CEP112: variants seen among roughly 807,000 people sequenced by gnomAD.
CEP112 encodes centrosomal protein of 112 kDa.
Under a neutral mutation model 153.0 loss-of-function variants are expected in CEP112, and 127 were observed. The observed-to-expected ratio is 0.83, with a 90% confidence interval of 0.72 to 0.96. CEP112 has a LOEUF of 0.96. Ranked by LOEUF, CEP112 falls within the 40% of genes least tolerant of loss-of-function variation. CEP112 has a pLI of 0.00. For synonymous variants in CEP112, 358 were observed against 374.4 expected (o/e 0.96, Z 0.51); for missense variants, 1,089 against 1,101.2 (o/e 0.99, Z 0.16).
intron 4 of CEP112, 117 bp from the exon 5 acceptor site, chr17:66,132,880 T>C: frequency 1.3e-6 from 1 of 744,690 alleles, no homozygotes; most frequent in Non-Finnish European, 2.3e-6. Context: ...GTATTAACAA[T>C]GATGTTCCAT....
At chr17:65,889,785 T>C (rs2059400309) in intron 20 of CEP112, among the ~76,000 whole-genome samples, 1 of 152,018 alleles carries the variant, frequency 6.6e-6, no homozygotes, top group African/African-American at 2.4e-5. Context: ...TAACTCAAGG[T>C]CTGCTCTCTC....
chr17:65,661,630 G>A (rs1001410311), intron 24 of CEP112: 1 of 152,168 alleles, frequency 6.6e-6, no homozygotes, highest in African/African-American at 2.4e-5. Flanking sequence ...TGTTGAACCG[G>A]AGATCAACGT....
intron 22 of CEP112, among the ~76,000 whole-genome samples, chr17:65,748,273 T>C (rs2051597275): frequency 1.3e-5 from 2 of 152,220 alleles, no homozygotes; most frequent in Admixed American, 6.5e-5. Context: ...TTACATCCTT[T>C]CTAAGAATTT....
intron 4 of CEP112, among the ~76,000 whole-genome samples, chr17:66,158,509 G>GCTACT (rs2071546095): frequency 6.6e-6 from 1 of 152,106 alleles, no homozygotes. Flanking sequence ...CTACACAGGA[G>GCTACT]GCTGAGACAG....
intron 16 of CEP112, among the ~76,000 whole-genome samples, chr17:66,020,800 T>TA (rs1168117207): frequency 6.6e-6 from 1 of 152,214 alleles, no homozygotes; most frequent in Admixed American, 6.5e-5. Context: ...TTAAGTTTCA[T>TA]AGTCAGAAAT....
intron 21 of CEP112, among the ~76,000 whole-genome samples, chr17:65,828,140 T>G (rs752461218): frequency 6.6e-6 from 1 of 152,216 alleles, no homozygotes; most frequent in African/African-American, 2.4e-5. Context: ...CTAGGGCCAT[T>G]GTACAAAAAT....
At chr17:65,838,544 G>C (rs971276193) in intron 21 of CEP112, among the ~76,000 whole-genome samples, 1 of 151,972 alleles carries the variant, frequency 6.6e-6, no homozygotes, top group Non-Finnish European at 1.5e-5. Flanking sequence ...GCCTACATCA[G>C]AAAAGCAGAA....
chr17:65,779,781 T>A (rs578230479), intron 21 of CEP112, among the ~76,000 whole-genome samples: 3 of 152,296 alleles, frequency 2.0e-5, no homozygotes, highest in Admixed American at 2.0e-4. Flanking sequence ...GAAAGCCACA[T>A]ACTTTATTAA....
At chr17:65,936,102 A>G (rs2061296717) in intron 18 of CEP112, among the ~76,000 whole-genome samples, 1 of 152,212 alleles carries the variant, frequency 6.6e-6, no homozygotes, top group Non-Finnish European at 1.5e-5. Context: ...AACAAGGGAG[A>G]ATTACGAACC....
intron 24 of CEP112, among the ~76,000 whole-genome samples, chr17:65,681,415 G>A (rs2047516968): frequency 6.6e-6 from 1 of 151,500 alleles, no homozygotes; most frequent in African/African-American, 2.4e-5. Flanking sequence ...CACATTCTGG[G>A]CTTCTGCTAT....
Position 65,758,814 on chromosome 17 carries a change from T to C in CEP112, c.2395-8090A>G, listed in dbSNP as rs191687157. 1.1e-4 allele frequency among the ~76,000 whole-genome samples: 17 copies of C among 152,312 alleles called. No homozygotes were observed. The East Asian group carries it at 3.3e-3, about 29-fold the overall frequency. ...AGCTCAGATAATTATGCACTACTAC[T>C]TTCTATTCAAAAGCTTTGTAGGCAT... On this transcript the variant is annotated intron_variant, in intron 21 of 26. Transcript: ENST00000535342.
At chr17:65,743,852 C>G (rs2051279297) in intron 22 of CEP112, among the ~76,000 whole-genome samples, 1 of 151,876 alleles carries the variant, frequency 6.6e-6, no homozygotes, top group African/African-American at 2.4e-5. Context: ...ACCTCCACTT[C>G]CTGGGTTCAA....
intron 23 of CEP112, among the ~76,000 whole-genome samples, chr17:65,716,471 T>A (rs7224972): frequency 6.6e-6 from 1 of 152,032 alleles, no homozygotes; most frequent in South Asian, 2.1e-4. Context: ...AGCCCTATGC[T>A]TTTAAGAGTT....
chr17:66,142,123 T>C (rs2070727591), intron 4 of CEP112, among the ~76,000 whole-genome samples: 1 of 152,210 alleles, frequency 6.6e-6, no homozygotes, highest in South Asian at 2.1e-4. Flanking sequence ...ATTTTGCTGA[T>C]GATGCGTGAT....
At chr17:65,918,894 T>C (rs1299612229) in intron 19 of CEP112, among the ~76,000 whole-genome samples, 36 of 152,208 alleles carry the variant, frequency 2.4e-4, no homozygotes, top group Admixed American at 2.4e-3. Flanking sequence ...TCATTACAGT[T>C]CCTGGCACGG....
intron 8 of CEP112, among the ~76,000 whole-genome samples, chr17:66,077,055 C>T (rs1474754982): frequency 6.6e-6 from 1 of 152,178 alleles, no homozygotes; most frequent in African/African-American, 2.4e-5. Context: ...ATCTGAACAA[C>T]AGCCTTCAGT....
intron 12 of CEP112, chr17:66,043,148 A>T (rs2066057034): frequency 1.2e-6 from 1 of 833,658 alleles, no homozygotes; most frequent in Non-Finnish European, 1.4e-6. Context: ...GCTGAATTTG[A>T]ATTTTTTCTT....
chr17:66,081,674 C>T (rs1322974926), intron 8 of CEP112, among the ~76,000 whole-genome samples: 5 of 151,586 alleles, frequency 3.3e-5, no homozygotes, highest in South Asian at 2.1e-4. Context: ...CCCAGCACTC[C>T]GGGAGGCCGA....
intron 20 of CEP112, among the ~76,000 whole-genome samples, chr17:65,859,719 A>G (rs1057073066): frequency 6.6e-6 from 1 of 151,234 alleles, no homozygotes; most frequent in Non-Finnish European, 1.5e-5. Context: ...CATAAAAAAA[A>G]AAAACTGGGC....
Sources: allele counts gnomAD v4.1 joint callset (sites outside exome capture counted in the v4.1 genomes callset), GRCh38; gene constraint gnomAD v4.1.1; transcripts MANE v1.5; gene names NCBI Gene and HGNC (gene_info 2026-07-23, HGNC 2026-07-21).